The following ST6GAL2 variants were observed in gnomAD, a reference collection of about 807,000 sequenced individuals.
ST6GAL2 encodes ST6 beta-galactoside alpha-2,6-sialyltransferase 2.
ST6GAL2 carries 24 observed loss-of-function variants against 37.5 expected under a neutral mutation model. That is an observed-to-expected ratio of 0.64 (90% CI 0.46 to 0.90). The LOEUF (loss-of-function observed/expected upper bound fraction) is 0.90, where lower values mean the gene tolerates loss of function less well. Among genes scored for constraint, ST6GAL2 ranks in the 40% least tolerant of loss-of-function variants. The probability of loss-of-function intolerance (pLI) is 0.00; values close to 1 mark genes in which losing one functional copy is unlikely to be tolerated. For missense variants in ST6GAL2, 715 were observed against 712.7 expected, an observed-to-expected ratio of 1.00 and a Z score of -0.04; for synonymous variants, 306 against 295.1, an observed-to-expected ratio of 1.04 and a Z score of -0.38.
intron 5 of ST6GAL2, among the ~76,000 whole-genome samples, chr2:106,820,115 C>T (rs1675942630): frequency 1.3e-5 from 2 of 152,060 alleles, no homozygotes. Context: ...TAAGTCCTTA[C>T]TTATCAATAG....
chr2:106,844,101 T>C, intron 1 of ST6GAL2, 67 bp from the exon 2 acceptor site: 2 of 734,790 alleles, frequency 2.7e-6, no homozygotes, highest in East Asian at 2.6e-5. Context: ...GGGGACATTC[T>C]ATCTTGAGCA....
intron 1 of ST6GAL2, among the ~76,000 whole-genome samples, chr2:106,877,334 A>T (rs1267839626): frequency 6.6e-6 from 1 of 152,226 alleles, no homozygotes; most frequent in African/African-American, 2.4e-5. Context: ...CATGGAGCTG[A>T]CAATGTCACA....
At position 106,806,753 on chromosome 2, in the gene ST6GAL2, G is replaced by A. The variant is rs774516972; in HGVS notation, c.1515C>T (p.Arg505=). The change falls in exon 6 of 6, where the codon CGC becomes CGT. Residue 505 remains arginine (R), a synonymous_variant. Coordinates refer to ENST00000409382, the MANE Select transcript of ST6GAL2 (RefSeq NM_001142351.2). ...AGCCGGGAAGAACCACCTTGCCCTT[G>A]CGATGCAAATCCCCCTGCGTGCCCA... The part of the protein sequence containing the change: ...LNMGTQGDLH[R]KGKVVLPGFQ... The A allele has an allele frequency of 6.2e-7, 1 of 1,614,170 alleles. No individual in the cohort carries two copies. The highest frequency in any genetic ancestry group is 1.1e-5 in the South Asian group (1 of 91,084).
At chr2:106,812,279 A>G (rs1055576316) in intron 5 of ST6GAL2, among the ~76,000 whole-genome samples, 6 of 152,356 alleles carry the variant, frequency 3.9e-5, no homozygotes, top group African/African-American at 1.4e-4. Flanking sequence ...CTCCAGAACC[A>G]TGAGAGAGAA....
At chr2:106,877,919 C>G (rs753223984) in intron 1 of ST6GAL2, among the ~76,000 whole-genome samples, 2 of 152,236 alleles carry the variant, frequency 1.3e-5, no homozygotes, top group African/African-American at 2.4e-5. Flanking sequence ...CAAGGTCCTA[C>G]TGTCTGGGTT....
At chr2:106,828,805 G>A (rs926906073) in intron 5 of ST6GAL2, among the ~76,000 whole-genome samples, 1 of 150,062 alleles carries the variant, frequency 6.7e-6, no homozygotes. Flanking sequence ...ATTGCCAAAA[G>A]GGTCTAGGAT....
Position 106,802,213 on chromosome 2 carries a change from C to T in ST6GAL2, c.*4465G>A, listed in dbSNP as rs1161735328. On this transcript the variant is annotated 3_prime_UTR_variant, in exon 6 of 6. Coordinates refer to ENST00000409382, the MANE Select transcript of ST6GAL2 (RefSeq NM_001142351.2). ...TTAACAGAAGGACATATAACATTTGCTTCCTTCTCTCAAAATATTAGTGGT... is the reference window on the plus strand; with the variant it reads ...TTAACAGAAGGACATATAACATTTGTTTCCTTCTCTCAAAATATTAGTGGT... 2 of 152,052 alleles carry T rather than the reference C, an allele frequency of 1.3e-5. No homozygotes were observed. Among genetic ancestry groups the T allele is most frequent in the East Asian group, 3.9e-4 (2 of 5,194 alleles). The allele number at this position is 152,052 out of a possible 1,614,324, so 9.4% of individuals were successfully genotyped here.
chr2:106,834,273 C>A, intron 2 of ST6GAL2, 127 bp from the exon 3 acceptor site: 1 of 515,890 alleles, frequency 1.9e-6, no homozygotes, highest in South Asian at 3.0e-5. Context: ...TTAAGATATG[C>A]CCACATGATT....
intron 1 of ST6GAL2, among the ~76,000 whole-genome samples, chr2:106,881,181 G>A (rs1678736350): frequency 6.6e-6 from 1 of 151,922 alleles, no homozygotes; most frequent in South Asian, 2.1e-4. Context: ...TAGTTATGGG[G>A]GTCTTGTTAT....
At chr2:106,827,884 G>T (rs1318323083) in intron 5 of ST6GAL2, among the ~76,000 whole-genome samples, 1 of 152,112 alleles carries the variant, frequency 6.6e-6, no homozygotes, top group Non-Finnish European at 1.5e-5. Context: ...GATATTCAGG[G>T]TCAGAGGATT....
At chr2:106,873,183 G>A (rs1678350163) in intron 1 of ST6GAL2, among the ~76,000 whole-genome samples, 1 of 152,178 alleles carries the variant, frequency 6.6e-6, no homozygotes, top group Non-Finnish European at 1.5e-5. Flanking sequence ...CCTGCAGGGA[G>A]CGATGGCAGA....
chr2:106,841,148 C>T (rs554951345), intron 2 of ST6GAL2: 1 of 152,084 alleles, frequency 6.6e-6, no homozygotes, highest in Non-Finnish European at 1.5e-5. Context: ...TTTTTTTTAA[C>T]TTTAAAAATA....
intron 2 of ST6GAL2, among the ~76,000 whole-genome samples, chr2:106,841,570 G>C (rs531768451): frequency 9.8e-5 from 15 of 152,308 alleles, no homozygotes; most frequent in African/African-American, 3.4e-4. Flanking sequence ...GACTGGTCTA[G>C]CAGTGGAATT....
At chr2:106,834,183 C>G (rs756371460) in intron 2 of ST6GAL2, 37 bp from the exon 3 acceptor site, 1 of 1,471,534 alleles carries the variant, frequency 6.8e-7, no homozygotes, top group Non-Finnish European at 9.5e-7. Flanking sequence ...CTTTTGTTCT[C>G]TGTAGAATCA....
chr2:106,834,349 A>G (rs1048574990), intron 2 of ST6GAL2: 1 of 526,530 alleles, frequency 1.9e-6, no homozygotes, highest in African/African-American at 1.9e-5. Context: ...ATGGATATAT[A>G]TAGATGTAAA....
At chr2:106,871,586 G>A (rs1678270686) in intron 1 of ST6GAL2, among the ~76,000 whole-genome samples, 1 of 152,044 alleles carries the variant, frequency 6.6e-6, no homozygotes, top group Admixed American at 6.5e-5. Context: ...TATTCTATAA[G>A]CATTTTTCTA....
At position 106,847,295 on chromosome 2, in the gene ST6GAL2, C is replaced by T. The variant is rs1039735874; in HGVS notation, c.-57-3261G>A. On this transcript the variant is annotated intron_variant, in intron 1 of 5. Transcript: ENST00000409382. ...GTCTGGGCCCACACTTTGAGTAGCA[C>T]CTTCCACATGATCTGTCTAACCTGT... Among the ~76,000 whole-genome samples the T allele has an allele frequency of 1.3e-5, 2 of 152,336 alleles. 1 individual carries two copies. The highest frequency in any genetic ancestry group is 1.3e-4 in the Admixed American group (2 of 15,300).
At position 106,843,781 on chromosome 2, in the gene ST6GAL2, T is replaced by C. The variant is rs368418036; in HGVS notation, c.197A>G (p.His66Arg). The C allele has an allele frequency of 1.9e-5, 30 of 1,610,264 alleles. No individual in the cohort carries two copies. Among genetic ancestry groups the C allele is most frequent in the Non-Finnish European group, 2.5e-5 (29 of 1,178,220 alleles). Reference sequence around the variant, plus strand: ...CAGGCCCCCAGGCGGGGAGGGCTCATGTGCGGCGCCCATGATGGCCCGCTG... The same window carrying C: ...CAGGCCCCCAGGCGGGGAGGGCTCACGTGCGGCGCCCATGATGGCCCGCTG... ...GKQRAIMGAA[H>R]EPSPPGGLDA... Residue 66 changes from histidine to arginine, a missense_variant, in exon 2 of 6, where the codon CAT (histidine) becomes CGT (arginine). Physicochemically the swap from His to Arg is conservative, Grantham distance 29. Coordinates refer to ENST00000409382, the MANE Select transcript of ST6GAL2 (RefSeq NM_001142351.2).
At chr2:106,823,104 T>G (rs1343699719) in intron 5 of ST6GAL2, 1 of 152,188 alleles carries the variant, frequency 6.6e-6, no homozygotes, top group African/African-American at 2.4e-5. Context: ...CTTCAAATTT[T>G]GAAACTTATT....
Sources: allele counts gnomAD v4.1 joint callset (sites outside exome capture counted in the v4.1 genomes callset), GRCh38; gene constraint gnomAD v4.1.1; transcripts MANE v1.5; gene names NCBI Gene and HGNC (gene_info 2026-07-23, HGNC 2026-07-21).